Variants in GLIS1 observed in about 807,000 individuals in gnomAD.
GLIS1 encodes the protein zinc finger protein GLIS1.
In GLIS1, 24 loss-of-function variants were observed where a neutral mutation model predicts 63.8. The observed-to-expected ratio is 0.38, with a 90% CI of 0.27 to 0.53. The LOEUF (loss-of-function observed/expected upper bound fraction) is 0.53. Among genes scored for constraint, GLIS1 ranks in the 20% least tolerant of loss-of-function variants. The pLI, the probability that GLIS1 is intolerant of heterozygous loss-of-function variation, is 0.85. For missense variants in GLIS1, 1,036 were observed against 1,074.1 expected (o/e 0.96, Z 0.50); for synonymous variants, 450 against 482.5 (o/e 0.93, Z 0.88).
At position 53,529,923 on chromosome 1, in the gene GLIS1, C is replaced by A. The variant is rs746299392; in HGVS notation, c.1350G>T (p.Arg450=). 6.8e-6 allele frequency: 11 copies of A among 1,613,770 alleles called. No homozygotes were observed. The highest frequency in any genetic ancestry group is 9.3e-6 in the Non-Finnish European group (11 of 1,179,912). ...MFEGCSKAFS[R]LENLKIHLRS... is the part of the protein sequence containing the mutation. The stretch of plus-strand genomic sequence containing the variant: ...TCAGGTGGATCTTGAGGTTCTCCAG[C>A]CGTGAGAAGGCCTTGCTGCAGCCTT... The change falls in exon 5 of 11, where the codon CGG becomes CGT. Residue 450 remains arginine, a synonymous_variant. Coordinates refer to ENST00000628545, the MANE Select transcript of GLIS1 (RefSeq NM_001367484.1).
chr1:53,550,643 C>T (rs577364690), intron 4 of GLIS1, among the ~76,000 whole-genome samples: 45 of 152,138 alleles, frequency 3.0e-4, no homozygotes, highest in Non-Finnish European at 5.6e-4. Flanking sequence ...ACTGGATGAC[C>T]ATACTGCTGT....
rs904019384 is a variant in GLIS1, at chr1:53,598,897, C to T, written c.437+1204G>A. Among the ~76,000 whole-genome samples the T allele has an allele frequency of 5.9e-5, 9 of 152,240 alleles. No individual in the cohort carries two copies. The highest frequency in any genetic ancestry group is 2.1e-4 in the South Asian group (1 of 4,830). On this transcript the variant is annotated intron_variant, in intron 3 of 10. Transcript: ENST00000628545. The surrounding 1 kb of genome is among the most constrained non-coding windows in gnomAD (Gnocchi z 4.6). ...ATCCACTGTGGAGCTCTCACGAGAA[C>T]GTAAACTCCATCAGGAGAGATCTTT... is the stretch of plus-strand genomic sequence containing the variant.
At chr1:53,612,048 T>A (rs1645429598) in intron 2 of GLIS1, among the ~76,000 whole-genome samples, 2 of 151,772 alleles carry the variant, frequency 1.3e-5, no homozygotes, top group South Asian at 4.2e-4. Context: ...GCCCAGGGGG[T>A]CTCAAACTAC....
At chr1:53,565,155 G>A (rs1470060617) in intron 4 of GLIS1, among the ~76,000 whole-genome samples, 2 of 151,950 alleles carry the variant, frequency 1.3e-5, no homozygotes, top group African/African-American at 4.8e-5. Flanking sequence ...ACATTATAAT[G>A]GGTATTTACA....
Position 53,627,197 on chromosome 1 carries a change from AG to A in GLIS1, c.260-26920del, listed in dbSNP as rs769288521. Among the ~76,000 whole-genome samples, 135 of 152,318 alleles carry A rather than the reference AG, an allele frequency of 8.9e-4. 1 individual carries two copies. The highest frequency in any genetic ancestry group is 1.1e-3 in the Non-Finnish European group (77 of 68,034). Reference sequence around the variant, plus strand: ...AAAACCAAAGAGCTGAACGCTAGGTAGTCCTGGGAGGGGGAGGTGTGGGCGG... The same window carrying A: ...AAAACCAAAGAGCTGAACGCTAGGTATCCTGGGAGGGGGAGGTGTGGGCGG... On this transcript the variant is annotated intron_variant, in intron 2 of 10. Transcript: ENST00000628545.
rs35725072 is a variant in GLIS1 at position 53,598,611 on chromosome 1, C to T, written c.437+1490G>A. Among the ~76,000 whole-genome samples, 281 of 152,226 alleles carry T rather than the reference C, an allele frequency of 1.8e-3. No individual in the cohort carries two copies. The highest frequency in any genetic ancestry group is 0.014 in the Middle Eastern group (4 of 294). ...TACTCAGCGACAAGGCGGTCATCTG[C>T]GAGCTAAGGAGAGAGGCCTCAGAAG... On this transcript the variant is annotated intron_variant, in intron 3 of 10. Coordinates refer to ENST00000628545, the MANE Select transcript of GLIS1 (RefSeq NM_001367484.1). This position sits in a 1 kb window ranked among gnomAD's most constrained non-coding sequence, Gnocchi z 4.6.
At chr1:53,506,960 G>A (rs1644240831) in intron 10 of GLIS1, among the ~76,000 whole-genome samples, 184 bp from the exon 11 acceptor site, 1 of 152,110 alleles carries the variant, frequency 6.6e-6, no homozygotes, top group South Asian at 2.1e-4. Flanking sequence ...TGGGGCGAGG[G>A]CTTGGGAGGC....
At chr1:53,592,399 G>A (rs754942866) in intron 4 of GLIS1, among the ~76,000 whole-genome samples, 8 of 152,118 alleles carry the variant, frequency 5.3e-5, no homozygotes, top group Non-Finnish European at 1.0e-4. Flanking sequence ...AGGTTCCTTC[G>A]GGTCACAGAG....
At chr1:53,541,579 C>T (rs1644643339) in intron 4 of GLIS1, among the ~76,000 whole-genome samples, 1 of 152,244 alleles carries the variant, frequency 6.6e-6, no homozygotes, top group African/African-American at 2.4e-5. Flanking sequence ...GGCCTAGACC[C>T]AGGACATCAG....
chr1:53,507,393 T>C (rs1330684823), intron 10 of GLIS1, among the ~76,000 whole-genome samples: 1 of 152,102 alleles, frequency 6.6e-6, no homozygotes, highest in Non-Finnish European at 1.5e-5. Context: ...TGAACCCAGG[T>C]CCATCTGGCT....
chr1:53,614,178 T>C (rs1008879736), intron 2 of GLIS1, among the ~76,000 whole-genome samples: 2 of 152,344 alleles, frequency 1.3e-5, no homozygotes, highest in East Asian at 1.9e-4. Context: ...TCTACTCTTA[T>C]GCGGTTTACA....
chr1:53,731,946 CT>C (rs1646865683), intron 2 of GLIS1, among the ~76,000 whole-genome samples: 1 of 152,226 alleles, frequency 6.6e-6, no homozygotes, highest in Admixed American at 6.5e-5. Context: ...AACTGAACTG[CT>C]CTCCATTTTA....
chr1:53,709,417 C>CATACATATATAT (rs879357045), intron 2 of GLIS1, among the ~76,000 whole-genome samples: 1 of 122,786 alleles, frequency 8.1e-6, no homozygotes, highest in Non-Finnish European at 1.6e-5. Flanking sequence ...TATATACACA[C>CATACATATATAT]ACACACACAC....
chr1:53,648,045 G>A (rs1645865612), intron 2 of GLIS1, among the ~76,000 whole-genome samples: 1 of 152,000 alleles, frequency 6.6e-6, no homozygotes, highest in Admixed American at 6.6e-5. Flanking sequence ...GGTGGTATGT[G>A]CACCTGTGGT....
intron 4 of GLIS1, among the ~76,000 whole-genome samples, chr1:53,579,382 GC>G (rs1645063087): frequency 6.6e-6 from 1 of 152,260 alleles, no homozygotes; most frequent in African/African-American, 2.4e-5. Context: ...ATGAGGCCTT[GC>G]CAGGTGAATC....
intron 7 of GLIS1, among the ~76,000 whole-genome samples, chr1:53,515,688 C>T (rs956343903): frequency 6.6e-6 from 1 of 151,840 alleles, no homozygotes; most frequent in African/African-American, 2.4e-5. Flanking sequence ...GAGTTACTGA[C>T]CCCAGCACTC....
At chr1:53,584,278 G>C (rs188255345) in intron 4 of GLIS1, among the ~76,000 whole-genome samples, 1 of 152,166 alleles carries the variant, frequency 6.6e-6, no homozygotes, top group Non-Finnish European at 1.5e-5. Flanking sequence ...GCTCAATTCC[G>C]ATGTTTCTGC....
intron 4 of GLIS1, among the ~76,000 whole-genome samples, chr1:53,540,479 T>C (rs1644632194): frequency 6.6e-6 from 1 of 152,088 alleles, no homozygotes; most frequent in African/African-American, 2.4e-5. Context: ...TGAGCCTCAG[T>C]GTTCTACTTG....
chr1:53,520,328 G>A (rs573433370), intron 7 of GLIS1, among the ~76,000 whole-genome samples: 1 of 152,166 alleles, frequency 6.6e-6, no homozygotes, highest in Non-Finnish European at 1.5e-5. Context: ...GGCAAGAGCT[G>A]CCAGGAGGAC....
Sources: gnomAD v4.1 joint callset for allele counts (sites outside exome capture counted in the v4.1 genomes callset) on GRCh38, gnomAD v4.1.1 for gene constraint, Gnocchi (gnomAD v3.1) non-coding constraint, MANE v1.5 for transcripts, NCBI Gene and HGNC (gene_info 2026-07-23, HGNC 2026-07-21) for gene names.